Variants in HCN1 observed in about 807,000 individuals in gnomAD.
HCN1 encodes potassium/sodium hyperpolarization-activated cyclic nucleotide-gated channel 1.
A neutral mutation model predicts 78.9 loss-of-function variants in HCN1; 13 were observed. The ratio of observed to expected loss-of-function variants is 0.16; its 90% confidence interval spans 0.11 to 0.26. The LOEUF is 0.26. HCN1 is among the 10% of genes least tolerant of loss of function. The pLI is 1.00. For missense variants in HCN1, 810 were observed against 1,154.3 expected (o/e 0.70, Z 4.32); for synonymous variants, 552 against 455.5 (o/e 1.21, Z -2.70).
At chr5:45,348,801 T>C (rs541161464) in intron 5 of HCN1, among the ~76,000 whole-genome samples, 1 of 152,140 alleles carries the variant, frequency 6.6e-6, no homozygotes, top group African/African-American at 2.4e-5. Flanking sequence ...GGTAAAGGGA[T>C]CAATTCAACA....
intron 6 of HCN1, among the ~76,000 whole-genome samples, chr5:45,281,917 GTA>G (rs1287419863): frequency 2.6e-5 from 4 of 151,916 alleles, no homozygotes; most frequent in Non-Finnish European, 5.9e-5. Context: ...GCTAGCTATA[GTA>G]TATGTTTAGT....
At chr5:45,621,846 TA>T (rs1451664859) in intron 2 of HCN1, among the ~76,000 whole-genome samples, 1 of 152,172 alleles carries the variant, frequency 6.6e-6, no homozygotes, top group African/African-American at 2.4e-5. Flanking sequence ...TAACCTAATA[TA>T]AGCATTTGAG....
chr5:45,323,062 G>A (rs934162909), intron 5 of HCN1, among the ~76,000 whole-genome samples: 4 of 151,778 alleles, frequency 2.6e-5, no homozygotes, highest in African/African-American at 7.3e-5. Flanking sequence ...ATACAGTTCC[G>A]TTTTTAGAAA....
chr5:45,611,260 T>A (rs1579998279), intron 2 of HCN1, among the ~76,000 whole-genome samples: 2 of 147,166 alleles, frequency 1.4e-5, no homozygotes, highest in Non-Finnish European at 3.0e-5. Context: ...CTTTTTTTTT[T>A]ATCTTTTTCT....
intron 4 of HCN1, among the ~76,000 whole-genome samples, chr5:45,358,226 C>T (rs987261211): frequency 2.0e-5 from 3 of 152,112 alleles, no homozygotes; most frequent in East Asian, 1.9e-4. Flanking sequence ...ATAACCATCA[C>T]GAGCTGTCTA....
intron 1 of HCN1, among the ~76,000 whole-genome samples, chr5:45,664,685 AAC>A (rs1745997880): frequency 6.6e-6 from 1 of 151,954 alleles, no homozygotes; most frequent in African/African-American, 2.4e-5. Context: ...GCAGCCAAAA[AAC>A]ACATGAAAAA....
At chr5:45,646,760 T>G (rs1745557762) in intron 1 of HCN1, among the ~76,000 whole-genome samples, 1 of 152,126 alleles carries the variant, frequency 6.6e-6, no homozygotes, top group Admixed American at 6.6e-5. Flanking sequence ...ATTAATCAAA[T>G]ATTTATAGTT....
rs189000328 is a variant in HCN1 at position 45,261,607 on chromosome 5, T to A, written c.*314A>T. 6 of 206,116 alleles carry A rather than the reference T, an allele frequency of 2.9e-5. No homozygotes were observed. 12.8% of individuals were successfully genotyped at this position (206,116 alleles called of 1,614,324 possible). On this transcript the variant is annotated 3_prime_UTR_variant, in exon 8 of 8. Transcript: ENST00000303230. ...TTCATAAAATAGAGAAATATACATA[T>A]CAAAGGACTTAAGTAAAAGTAGGTT...
chr5:45,641,015 A>G lies in HCN1; in HGVS notation c.849+4170T>C, dbSNP rs537643487. 3.9e-5 allele frequency among the ~76,000 whole-genome samples: 6 copies of G among 152,280 alleles called. No homozygotes were observed. The South Asian group carries it at 6.2e-4, about 16-fold the overall frequency. ...GAAGTGACAATGGTGAGACCAGGGA[A>G]CAATGTGCTGGAGAGACTTGAAGGC... is the stretch of plus-strand genomic sequence containing the variant. On this transcript the variant is annotated intron_variant, in intron 2 of 7. Transcript: ENST00000303230.
intron 2 of HCN1, among the ~76,000 whole-genome samples, chr5:45,494,706 T>A (rs1428737245): frequency 2.1e-4 from 32 of 152,186 alleles, no homozygotes; most frequent in Admixed American, 1.4e-3. Context: ...ATGCCTAGGT[T>A]TTCTTCTAGG....
intron 2 of HCN1, among the ~76,000 whole-genome samples, chr5:45,597,118 G>C (rs905708004): frequency 2.0e-5 from 3 of 152,170 alleles, no homozygotes; most frequent in Middle Eastern, 6.8e-3. Context: ...AACAAAAAAA[G>C]AGAATTTTTT....
At chr5:45,561,056 A>T (rs985855331) in intron 2 of HCN1, among the ~76,000 whole-genome samples, 8 of 151,910 alleles carry the variant, frequency 5.3e-5, no homozygotes, top group Non-Finnish European at 1.0e-4. Context: ...TCTTTAACAA[A>T]TTTTTTTTAA....
chr5:45,641,743 C>G (rs973989848), intron 2 of HCN1: 2 of 152,048 alleles, frequency 1.3e-5, no homozygotes, highest in East Asian at 1.9e-4. Context: ...TAAAAAATTT[C>G]GAAGGTCATC....
rs768314013 is a variant in HCN1 at position 45,261,749 on chromosome 5, T to C, written c.*172A>G. On this transcript the variant is annotated 3_prime_UTR_variant, in exon 8 of 8. Transcript: ENST00000303230. ...ACCCTCTCTTGGGAATTTAGATATA[T>C]ATTTTATAGTATATGTATATATATT... is the stretch of plus-strand genomic sequence containing the variant. 42 of 651,092 alleles carry C rather than the reference T, an allele frequency of 6.5e-5. 3 individuals carry two copies. The Admixed American group carries it at 1.1e-3, about 17-fold the overall frequency. The allele number at this position is 651,092 out of a possible 1,614,324, so 40.3% of individuals were successfully genotyped here. A position where few individuals can be genotyped will look rare whatever the true frequency, so the allele number is the denominator to read the frequency against.
chr5:45,457,143 A>G (rs1257003562), intron 3 of HCN1, among the ~76,000 whole-genome samples: 1 of 152,106 alleles, frequency 6.6e-6, no homozygotes, highest in African/African-American at 2.4e-5. Flanking sequence ...TTGCTCTAGG[A>G]ATGTACTGTT....
chr5:45,498,085 A>T (rs1437300009), intron 2 of HCN1, among the ~76,000 whole-genome samples: 1 of 151,966 alleles, frequency 6.6e-6, no homozygotes, highest in Non-Finnish European at 1.5e-5. Flanking sequence ...CTTCTCGAGG[A>T]GTATCTTTGT....
At chr5:45,537,320 C>A (rs759632051) in intron 2 of HCN1, among the ~76,000 whole-genome samples, 1 of 151,754 alleles carries the variant, frequency 6.6e-6, no homozygotes, top group Non-Finnish European at 1.5e-5. Flanking sequence ...CAAGTAAAAT[C>A]TTCATTATTA....
intron 2 of HCN1, among the ~76,000 whole-genome samples, chr5:45,585,698 G>A (rs920048793): frequency 2.0e-5 from 3 of 152,108 alleles, no homozygotes; most frequent in African/African-American, 7.2e-5. Context: ...TACAGATGGG[G>A]TTTTGGTGTG....
In HCN1 at chr5:45,265,649, A is replaced by G. The variant is rs113369731; in HGVS notation, c.1783+1440T>C. On this transcript the variant is annotated intron_variant, in intron 7 of 7. Transcript: ENST00000303230. ...AAAAAGCCAACATAACAATTTATCA[A>G]TCTGAAGTCCTTACCTTTAATAAGA... Among the ~76,000 whole-genome samples, 1,028 of 152,314 alleles carry G rather than the reference A, an allele frequency of 6.7e-3. 6 individuals are homozygous for G. Among genetic ancestry groups the G allele is most frequent in the African/African-American group, 0.024 (990 of 41,574 alleles).
Sources: gnomAD v4.1 joint callset for allele counts (sites outside exome capture counted in the v4.1 genomes callset) on GRCh38, gnomAD v4.1.1 for gene constraint, MANE v1.5 for transcripts, NCBI Gene and HGNC (gene_info 2026-07-23, HGNC 2026-07-21) for gene names.